The following DGKB variants were observed in gnomAD, a reference collection of about 807,000 sequenced individuals.
DGKB encodes the protein diacylglycerol kinase beta.
A neutral mutation model predicts 114.3 loss-of-function variants in DGKB; 67 were observed. The observed-to-expected ratio is 0.59, with a 90% CI of 0.48 to 0.72. The LOEUF (loss-of-function observed/expected upper bound fraction) is 0.72. DGKB is among the 30% of genes least tolerant of loss of function. The probability of loss-of-function intolerance (pLI) is 0.00; values close to 1 mark genes in which losing one functional copy is unlikely to be tolerated. For synonymous variants in DGKB, 398 were observed against 323.1 expected (o/e 1.23, Z -2.49); for missense variants, 907 against 975.2 (o/e 0.93, Z 0.93).
chr7:14,718,490 C>T (rs530895053), intron 6 of DGKB, 52 bp downstream of exon 6: 15 of 1,532,448 alleles, frequency 9.8e-6, no homozygotes, highest in African/African-American at 8.3e-5. Flanking sequence ...AATATCCAGT[C>T]CTTTCTCCTG....
chr7:14,961,078 T>A (rs1786815141), intron 1 of DGKB, among the ~76,000 whole-genome samples: 1 of 151,826 alleles, frequency 6.6e-6, no homozygotes, highest in African/African-American at 2.4e-5. Context: ...AGCATACAAA[T>A]CTATTTAATG....
Position 14,583,076 on chromosome 7 carries a change from C to T in DGKB, c.1495G>A (p.Val499Met), listed in dbSNP as rs1800189904. 7 of 1,613,110 alleles carry T rather than the reference C, an allele frequency of 4.3e-6. No individual in the cohort carries two copies. Among genetic ancestry groups the T allele is most frequent in the Non-Finnish European group, 5.9e-6 (7 of 1,179,350 alleles). Residue 499 changes from valine to methionine, a missense_variant, in exon 18 of 26, where the codon GTG becomes ATG. Coordinates refer to ENST00000402815, the MANE Select transcript of DGKB (RefSeq NM_001350709.2). ...CCTATGCAATCCAAAACCCAGCCCA[C>T]GGTTCCATCTCCACCACAGGCTAAC... is the stretch of plus-strand genomic sequence containing the variant. ...RVLACGGDGT[V>M]GWVLDCIEKA...
chr7:14,889,835 T>C (rs550000129), intron 1 of DGKB, among the ~76,000 whole-genome samples: 1 of 151,582 alleles, frequency 6.6e-6, no homozygotes, highest in South Asian at 2.1e-4. Context: ...TTGATAGAAG[T>C]AGACATAATT....
intron 23 of DGKB, among the ~76,000 whole-genome samples, chr7:14,325,534 T>C (rs116745225): frequency 6.6e-6 from 1 of 152,160 alleles, no homozygotes; most frequent in African/African-American, 2.4e-5. Context: ...TAGTCAACTT[T>C]CGTTGGGATA....
intron 17 of DGKB, among the ~76,000 whole-genome samples, chr7:14,590,542 G>C (rs1801533650): frequency 6.6e-6 from 1 of 152,220 alleles, no homozygotes; most frequent in South Asian, 2.1e-4. Context: ...CCATGTGACT[G>C]TCAGACCAGC....
chr7:14,392,989 G>GTTTTT (rs776845811), intron 21 of DGKB, among the ~76,000 whole-genome samples: 12 of 10,166 alleles, frequency 1.2e-3, no homozygotes, highest in African/African-American at 2.1e-3. Flanking sequence ...CCTGTTTTTT[G>GTTTTT]TTTTTGTTTT....
intron 20 of DGKB, among the ~76,000 whole-genome samples, chr7:14,513,820 C>T (rs1385021705): frequency 2.0e-5 from 3 of 151,770 alleles, no homozygotes; most frequent in African/African-American, 7.3e-5. Context: ...AAATAATGAG[C>T]ATATGGATTG....
At chr7:14,693,048 T>G (rs189846789) in intron 9 of DGKB, among the ~76,000 whole-genome samples, 2 of 152,190 alleles carry the variant, frequency 1.3e-5, no homozygotes, top group Non-Finnish European at 2.9e-5. Context: ...AAATGACTTT[T>G]AAAAATTTGG....
chr7:14,656,793 T>C (rs916580632), intron 13 of DGKB, among the ~76,000 whole-genome samples: 2 of 149,888 alleles, frequency 1.3e-5, no homozygotes, highest in Non-Finnish European at 3.0e-5. Flanking sequence ...ATATGGTATA[T>C]ATATACATAT....
At chr7:14,278,992 G>T (rs1366931422) in intron 23 of DGKB, among the ~76,000 whole-genome samples, 3 of 152,178 alleles carry the variant, frequency 2.0e-5, no homozygotes, top group Admixed American at 6.5e-5. Context: ...ACTAGGGAGT[G>T]CCAGACAGTG....
intron 21 of DGKB, among the ~76,000 whole-genome samples, chr7:14,464,414 T>C (rs896887987): frequency 2.0e-5 from 3 of 152,048 alleles, no homozygotes; most frequent in East Asian, 1.9e-4. Flanking sequence ...AAAAGTAAGA[T>C]GAAAAGTAAG....
At position 14,543,808 on chromosome 7, in the gene DGKB, C is replaced by A. The variant is rs369432641; in HGVS notation, c.1770+30404G>T. On this transcript the variant is annotated intron_variant, in intron 20 of 25. Coordinates refer to ENST00000402815, the MANE Select transcript of DGKB (RefSeq NM_001350709.2). ...AGGTACTGATTGGTTATAATTCTTA[C>A]AGAGAAAGCTCCAAAAATCTTTTCC... Among the ~76,000 whole-genome samples, 390 of 152,240 alleles carry A rather than the reference C, an allele frequency of 2.6e-3. 6 individuals carry two copies. The highest frequency in any genetic ancestry group is 9.0e-3 in the African/African-American group (375 of 41,560).
chr7:14,232,035 T>C (rs370703607), intron 23 of DGKB, among the ~76,000 whole-genome samples: 1 of 152,046 alleles, frequency 6.6e-6, no homozygotes, highest in African/African-American at 2.4e-5. Flanking sequence ...GACCCAAAGA[T>C]GGTTGGCCCA....
At chr7:14,662,230 T>TA (rs1231389156) in intron 13 of DGKB, among the ~76,000 whole-genome samples, 2 of 150,208 alleles carry the variant, frequency 1.3e-5, no homozygotes, top group African/African-American at 2.4e-5. Context: ...AAAATAAAAA[T>TA]AAAAAAAGAG....
At chr7:14,546,615 T>C (rs1295548725) in intron 20 of DGKB, among the ~76,000 whole-genome samples, 1 of 152,146 alleles carries the variant, frequency 6.6e-6, no homozygotes, top group Admixed American at 6.5e-5. Context: ...GATCTGGAAT[T>C]TCAGGCAGCA....
intron 7 of DGKB, among the ~76,000 whole-genome samples, chr7:14,700,603 A>C (rs1825000245): frequency 6.6e-6 from 1 of 152,116 alleles, no homozygotes; most frequent in Admixed American, 6.6e-5. Context: ...CTAGAGTAGG[A>C]GTTATATATT....
chr7:14,929,022 T>TACAC (rs3036022), intron 1 of DGKB, among the ~76,000 whole-genome samples: 14,596 of 146,740 alleles, frequency 0.099, 823 homozygotes, highest in Admixed American at 0.17. Context: ...GCATTGTGTA[T>TACAC]ACACACACAC....
intron 8 of DGKB, among the ~76,000 whole-genome samples, chr7:14,697,312 G>GA (rs1824116721): frequency 2.0e-5 from 3 of 150,732 alleles, no homozygotes; most frequent in South Asian, 2.1e-4. Context: ...TCTGCAAAAG[G>GA]GAAAAAAAAT....
At chr7:14,972,449 C>T (rs1787524615) in intron 1 of DGKB, among the ~76,000 whole-genome samples, 2 of 151,966 alleles carry the variant, frequency 1.3e-5, no homozygotes, top group African/African-American at 4.8e-5. Flanking sequence ...TTCAAATCCA[C>T]AGGAAAGGAA....
Sources: allele counts gnomAD v4.1 joint callset (sites outside exome capture counted in the v4.1 genomes callset), GRCh38; gene constraint gnomAD v4.1.1; transcripts MANE v1.5; gene names NCBI Gene and HGNC (gene_info 2026-07-23, HGNC 2026-07-21).